PDHX: variants seen among roughly 807,000 people sequenced by gnomAD.
PDHX encodes the protein pyruvate dehydrogenase complex component X, also known as pyruvate dehydrogenase protein X component, mitochondrial.
In PDHX, 33 loss-of-function variants were observed where a neutral mutation model predicts 55.3. That is an observed-to-expected ratio of 0.60 (90% CI 0.45 to 0.80). The LOEUF is 0.80. PDHX is among the 30% of genes least tolerant of loss of function. PDHX has a pLI of 0.00. For synonymous variants in PDHX, 226 were observed against 219.4 expected, an observed-to-expected ratio of 1.03 and a Z score of -0.27; for missense variants, 622 against 619.9, an observed-to-expected ratio of 1.00 and a Z score of -0.04.
intron 3 of PDHX, among the ~76,000 whole-genome samples, chr11:34,952,788 G>A (rs560170103): frequency 2.3e-3 from 344 of 148,894 alleles, no homozygotes; most frequent in African/African-American, 8.0e-3. Context: ...CACAAGACAG[G>A]GATGCCCTCT....
chr11:34,916,152 C>T, upstream of PDHX: 1 of 1,547,774 alleles, frequency 6.5e-7, no homozygotes, highest in South Asian at 1.2e-5. Context: ...CGCTACCCTG[C>T]GCCCAGCTCC....
In PDHX at chr11:34,966,762, A is replaced by T; in HGVS notation, c.764A>T (p.Tyr255Phe). The change falls in exon 6 of 11, where the codon TAT becomes TTT. Residue 255 changes from tyrosine to phenylalanine, a missense_variant. Tyr to Phe is a conservative substitution (Grantham distance 22). Coordinates refer to ENST00000227868, the MANE Select transcript of PDHX (RefSeq NM_003477.3). Reference sequence around the variant, plus strand: ...CTACAGGCCACAGCTGGACCATCTTATCCCCGGCCTGTGATCCCACCAGTA... The same window carrying T: ...CTACAGGCCACAGCTGGACCATCTTTTCCCCGGCCTGTGATCCCACCAGTA... ...SPLQATAGPS[Y>F]PRPVIPPVST... 1 of 1,613,914 alleles carries T rather than the reference A, an allele frequency of 6.2e-7. No individual in the cohort carries two copies. Among genetic ancestry groups the T allele is most frequent in the Non-Finnish European group, 8.5e-7 (1 of 1,179,976 alleles).
At chr11:34,918,412 G>A (rs1036326537) in intron 1 of PDHX, among the ~76,000 whole-genome samples, 14 of 150,180 alleles carry the variant, frequency 9.3e-5, no homozygotes, top group African/African-American at 3.2e-4. Context: ...ACTTTAGCCT[G>A]GGTGACAGAG....
At chr11:34,935,974 G>A (rs1168487886) in intron 2 of PDHX, among the ~76,000 whole-genome samples, 4 of 152,160 alleles carry the variant, frequency 2.6e-5, no homozygotes, top group African/African-American at 4.8e-5. Context: ...TTTAGGCAGT[G>A]GGCAGGACAC....
At chr11:34,934,829 T>C (rs1032686750) in intron 2 of PDHX, among the ~76,000 whole-genome samples, 3 of 151,988 alleles carry the variant, frequency 2.0e-5, no homozygotes, top group Non-Finnish European at 4.4e-5. Context: ...TTCTCCTGCC[T>C]CGACCTCCCA....
intron 1 of PDHX, among the ~76,000 whole-genome samples, chr11:34,926,242 T>C (rs777193656): frequency 3.3e-5 from 5 of 152,170 alleles, no homozygotes; most frequent in Non-Finnish European, 2.9e-5. Flanking sequence ...TTAAATTACT[T>C]TTACTTTATT....
At chr11:34,963,188 C>T (rs1855057177) in intron 5 of PDHX, among the ~76,000 whole-genome samples, 2 of 152,204 alleles carry the variant, frequency 1.3e-5, no homozygotes, top group South Asian at 4.1e-4. Flanking sequence ...AGCCTAATGT[C>T]GTCTTCTGCT....
chr11:34,989,723 A>G (rs1040678385), intron 9 of PDHX, among the ~76,000 whole-genome samples: 1 of 152,114 alleles, frequency 6.6e-6, no homozygotes, highest in Non-Finnish European at 1.5e-5. Flanking sequence ...TGTAGCTGAA[A>G]TAGTTTCCTA....
intron 2 of PDHX, among the ~76,000 whole-genome samples, chr11:34,943,429 G>C (rs955447028): frequency 2.0e-5 from 3 of 152,094 alleles, no homozygotes; most frequent in Admixed American, 1.3e-4. Flanking sequence ...GTTTTTCTGT[G>C]GCTAGAGTCT....
chr11:34,960,345 C>A, intron 4 of PDHX, 75 bp from the exon 5 acceptor site: 1 of 955,372 alleles, frequency 1.0e-6, no homozygotes, highest in Non-Finnish European at 1.7e-6. Context: ...ATTTGCGAAA[C>A]TGTTGACATT....
chr11:34,919,251 G>A (rs1271926332), intron 1 of PDHX, among the ~76,000 whole-genome samples: 1 of 151,726 alleles, frequency 6.6e-6, no homozygotes, highest in African/African-American at 2.4e-5. Context: ...AAAACACGTG[G>A]CAATCCTTGA....
At chr11:34,952,849 G>A (rs1282189443) in intron 3 of PDHX, among the ~76,000 whole-genome samples, 3 of 149,764 alleles carry the variant, frequency 2.0e-5, no homozygotes, top group Non-Finnish European at 4.4e-5. Context: ...AGGGCAATTA[G>A]GCAGGAGAAG....
rs566909924 is a variant in PDHX at position 34,931,397 on chromosome 11, A to G, written c.161-7A>G. 10 of 1,551,544 alleles carry G rather than the reference A, an allele frequency of 6.4e-6. No homozygotes were observed. In the East Asian group the frequency reaches 6.7e-5, roughly 10 times the overall value. The stretch of plus-strand genomic sequence containing the variant: ...TGTGGCTCATCTTTCCTTTTTTTCA[A>G]TTTCAGGTGATCCCATTAAGATACT... On this transcript the variant is annotated splice_region_variant and splice_polypyrimidine_tract_variant and intron_variant, in intron 1 of 10. Coordinates refer to ENST00000227868, the MANE Select transcript of PDHX (RefSeq NM_003477.3).
At chr11:34,987,732 G>T (rs569825560) in intron 9 of PDHX, among the ~76,000 whole-genome samples, 1 of 150,924 alleles carries the variant, frequency 6.6e-6, no homozygotes, top group South Asian at 2.1e-4. Flanking sequence ...AACCCTGAGT[G>T]TGTGTGTGTG....
intron 6 of PDHX, among the ~76,000 whole-genome samples, chr11:34,969,882 A>G (rs1334096907): frequency 6.6e-6 from 1 of 152,174 alleles, no homozygotes; most frequent in Non-Finnish European, 1.5e-5. Flanking sequence ...TAGTAACATA[A>G]GATATCCCAT....
intron 7 of PDHX, 93 bp from the exon 8 acceptor site, chr11:34,978,031 G>A (rs1855416292): frequency 2.7e-6 from 2 of 754,598 alleles, no homozygotes. Context: ...TTGTTTGTCA[G>A]TACATTCCAT....
intron 7 of PDHX, among the ~76,000 whole-genome samples, chr11:34,977,494 A>T (rs1235098170): frequency 6.6e-6 from 1 of 152,172 alleles, no homozygotes; most frequent in Non-Finnish European, 1.5e-5. Context: ...TATTAATCAC[A>T]CTAGGACCTA....
chr11:34,957,510 T>C lies in PDHX; in HGVS notation c.469T>C (p.Ser157Pro). ...VGPPPPVSKPSEPRPSPEPQI... is the reference protein window; with the variant it reads ...VGPPPPVSKPPEPRPSPEPQI... ...TCCTCCACCACCAGTTTCAAAACCTTCAGAGCCTCGCCCCTCACCAGAACC... is the reference window on the plus strand; with the variant it reads ...TCCTCCACCACCAGTTTCAAAACCTCCAGAGCCTCGCCCCTCACCAGAACC... The change falls in exon 4 of 11, where the codon TCA (serine) becomes CCA (proline). Residue 157 changes from serine to proline, a missense_variant. Coordinates refer to ENST00000227868, the MANE Select transcript of PDHX (RefSeq NM_003477.3). The C allele has an allele frequency of 1.9e-6, 3 of 1,614,038 alleles. No individual in the cohort carries two copies. The highest frequency in any genetic ancestry group is 8.5e-7 in the Non-Finnish European group (1 of 1,179,996).
At chr11:34,917,238 C>T (rs991851953) in intron 1 of PDHX, among the ~76,000 whole-genome samples, 1 of 152,124 alleles carries the variant, frequency 6.6e-6, no homozygotes, top group African/African-American at 2.4e-5. Context: ...TTCTCTAGGC[C>T]TCTCTCTGTT....
Sources: allele counts gnomAD v4.1 joint callset (sites outside exome capture counted in the v4.1 genomes callset), GRCh38; gene constraint gnomAD v4.1.1; transcripts MANE v1.5; gene names NCBI Gene and HGNC (gene_info 2026-07-23, HGNC 2026-07-21).